Variants in MCUB observed in about 807,000 individuals in gnomAD.
The protein encoded by MCUB is mitochondrial calcium uniporter dominant negative subunit beta, also known as calcium uniporter regulatory subunit MCUb, mitochondrial.
A neutral mutation model predicts 41.4 loss-of-function variants in MCUB; 46 were observed. That is an observed-to-expected ratio of 1.11 (90% CI 0.88 to 1.42). The LOEUF (loss-of-function observed/expected upper bound fraction) is 1.42, where lower values mean the gene tolerates loss of function less well. MCUB is among the 40% of genes most tolerant of loss of function. The probability of loss-of-function intolerance (pLI) is 0.00; values close to 1 mark genes in which losing one functional copy is unlikely to be tolerated. For missense variants in MCUB, 403 were observed against 404.9 expected (o/e 1.00, Z 0.04); for synonymous variants, 148 against 148.2 (o/e 1.00, Z 0.01).
intron 1 of MCUB, among the ~76,000 whole-genome samples, chr4:109,627,905 T>A (rs1728395576): frequency 7.3e-6 from 1 of 137,688 alleles, no homozygotes. Flanking sequence ...AGAGTAAGAC[T>A]CTGTCTCAGA....
intron 7 of MCUB, among the ~76,000 whole-genome samples, chr4:109,686,384 C>G (rs554039937): frequency 1.3e-5 from 2 of 152,310 alleles, no homozygotes; most frequent in Admixed American, 1.3e-4. Context: ...AGTGATCCAC[C>G]TGCCTTGGCC....
intron 1 of MCUB, among the ~76,000 whole-genome samples, chr4:109,607,209 T>TTTTCTTTC (rs142787512): frequency 6.6e-6 from 1 of 150,792 alleles, no homozygotes; most frequent in African/African-American, 2.4e-5. Flanking sequence ...ATTAACATCC[T>TTTTCTTTC]TTTCTTTCTT....
intron 1 of MCUB, among the ~76,000 whole-genome samples, chr4:109,615,322 G>T (rs1169023583): frequency 6.6e-6 from 1 of 152,014 alleles, no homozygotes; most frequent in Non-Finnish European, 1.5e-5. Flanking sequence ...AGTCTTGTGG[G>T]GAATATGGCC....
intron 1 of MCUB, among the ~76,000 whole-genome samples, chr4:109,589,771 T>C (rs1727387359): frequency 6.6e-6 from 1 of 152,228 alleles, no homozygotes; most frequent in Non-Finnish European, 1.5e-5. Flanking sequence ...TGTTGTATCC[T>C]CAGGGGGTGG....
intron 1 of MCUB, among the ~76,000 whole-genome samples, chr4:109,566,455 G>T (rs1358025960): frequency 6.9e-6 from 1 of 145,756 alleles, no homozygotes; most frequent in Non-Finnish European, 1.5e-5. Context: ...AGGCAACAGA[G>T]TGAGACTCTG....
intron 1 of MCUB, among the ~76,000 whole-genome samples, chr4:109,610,971 G>A (rs549235511): frequency 3.9e-5 from 6 of 152,208 alleles, no homozygotes; most frequent in African/African-American, 7.2e-5. Flanking sequence ...TTTTGTATGT[G>A]GGTGGCAGGT....
intron 1 of MCUB, 61 bp from the exon 2 acceptor site, chr4:109,658,950 C>A: frequency 2.2e-6 from 2 of 893,790 alleles, no homozygotes; most frequent in Non-Finnish European, 3.6e-6. Context: ...AAAATAAAGA[C>A]ACTTATTTCA....
intron 1 of MCUB, among the ~76,000 whole-genome samples, chr4:109,589,680 G>T (rs111521299): frequency 3.9e-5 from 6 of 152,264 alleles, no homozygotes; most frequent in African/African-American, 1.4e-4. Flanking sequence ...CATATTTCTG[G>T]TGATGGTTTT....
At chr4:109,609,536 A>G (rs997800980) in intron 1 of MCUB, among the ~76,000 whole-genome samples, 2 of 152,072 alleles carry the variant, frequency 1.3e-5, no homozygotes, top group South Asian at 4.1e-4. Context: ...TTTATGACCT[A>G]TATCTTGTGC....
intron 1 of MCUB, among the ~76,000 whole-genome samples, chr4:109,614,182 C>T (rs1405558900): frequency 1.3e-5 from 2 of 152,130 alleles, no homozygotes; most frequent in African/African-American, 2.4e-5. Context: ...ATTGTCAGCC[C>T]AAAGTCCAGA....
chr4:109,628,555 G>A (rs1728410214), intron 1 of MCUB, among the ~76,000 whole-genome samples: 1 of 152,108 alleles, frequency 6.6e-6, no homozygotes, highest in South Asian at 2.1e-4. Flanking sequence ...TGGAGACAGT[G>A]GAAATAAGAA....
chr4:109,583,796 C>T (rs1040762049), intron 1 of MCUB, among the ~76,000 whole-genome samples: 2 of 152,106 alleles, frequency 1.3e-5, no homozygotes, highest in Non-Finnish European at 2.9e-5. Context: ...TTGTCGAAGG[C>T]CTTTTCTGCA....
At chr4:109,637,970 G>T (rs1343303552) in intron 1 of MCUB, among the ~76,000 whole-genome samples, 1 of 152,140 alleles carries the variant, frequency 6.6e-6, no homozygotes, top group African/African-American at 2.4e-5. Context: ...TGCAGGTTTG[G>T]TTCCAGACCA....
intron 1 of MCUB, among the ~76,000 whole-genome samples, chr4:109,656,107 A>G (rs936586964): frequency 4.6e-5 from 7 of 152,102 alleles, no homozygotes; most frequent in African/African-American, 1.7e-4. Flanking sequence ...ATTAAATGAT[A>G]CTTTGTAATC....
intron 1 of MCUB, among the ~76,000 whole-genome samples, chr4:109,602,343 A>G (rs1301678965): frequency 6.6e-6 from 1 of 152,202 alleles, no homozygotes; most frequent in Non-Finnish European, 1.5e-5. Flanking sequence ...TTGTAGTTTC[A>G]GGTCTTAAAT....
At chr4:109,575,525 A>G (rs1408497583) in intron 1 of MCUB, among the ~76,000 whole-genome samples, 1 of 152,190 alleles carries the variant, frequency 6.6e-6, no homozygotes, top group Non-Finnish European at 1.5e-5. Context: ...ATCCAGCCAC[A>G]TTCGTTTAAT....
chr4:109,596,622 T>C (rs1263821164), intron 1 of MCUB, among the ~76,000 whole-genome samples: 1 of 152,096 alleles, frequency 6.6e-6, no homozygotes, highest in East Asian at 1.9e-4. Flanking sequence ...TATCACTCTC[T>C]AGTGTCTGGT....
chr4:109,664,492 A>T, intron 4 of MCUB, 98 bp downstream of exon 4: 1 of 590,298 alleles, frequency 1.7e-6, no homozygotes. Context: ...TGACGTCGTC[A>T]TAGCTCACTG....
intron 4 of MCUB, chr4:109,673,878 T>C (rs1729513906): frequency 1.3e-6 from 1 of 772,722 alleles, no homozygotes; most frequent in Non-Finnish European, 2.4e-6. Flanking sequence ...TTCCTTCATA[T>C]GAGGAATATC....
Sources: gnomAD v4.1 joint callset for allele counts (sites outside exome capture counted in the v4.1 genomes callset) on GRCh38, gnomAD v4.1.1 for gene constraint, MANE v1.5 for transcripts, NCBI Gene and HGNC (gene_info 2026-07-23, HGNC 2026-07-21) for gene names.